Variants in HDAC8 observed in about 807,000 individuals in gnomAD.
The protein encoded by HDAC8 is histone deacetylase-like 1.
Under a neutral mutation model 32.2 loss-of-function variants are expected in HDAC8, and 1 was observed. The observed-to-expected ratio is 0.03, with a 90% confidence interval of 0.01 to 0.15. The LOEUF is 0.15. Among genes scored for constraint, HDAC8 ranks in the 10% least tolerant of loss-of-function variants. HDAC8 has a pLI of 1.00. For synonymous variants in HDAC8, 108 were observed against 113.9 expected (o/e 0.95, Z 0.33); for missense variants, 117 against 300.0 (o/e 0.39, Z 4.51).
intron 7 of HDAC8, among the ~76,000 whole-genome samples, chrX:72,477,816 G>A (rs1163909090): frequency 6.2e-5 from 7 of 112,651 alleles, no homozygotes; most frequent in African/African-American, 2.3e-4. Flanking sequence ...ATGTTAGAGT[G>A]TCTGGTGGAT....
intron 10 of HDAC8, among the ~76,000 whole-genome samples, chrX:72,335,705 G>T (rs1028808901): frequency 5.4e-5 from 6 of 110,738 alleles, no homozygotes; most frequent in African/African-American, 1.6e-4. Flanking sequence ...GAGGCCAGGA[G>T]TTCAAGACTA....
At chrX:72,571,810 C>T (rs1556157471) in intron 2 of HDAC8, 3 of 262,199 alleles carry the variant, frequency 1.1e-5, no homozygotes, top group Non-Finnish European at 2.0e-5. Flanking sequence ...CTCAGGCGAT[C>T]CACCCACCTA....
At chrX:72,466,572 AAGG>A (rs1405049344) in intron 7 of HDAC8, 1 of 111,987 alleles carries the variant, frequency 8.9e-6, no homozygotes. Context: ...GATTCCTGGT[AAGG>A]ATGTGGAGAA....
At chrX:72,402,879 C>A (rs2045942311) in intron 9 of HDAC8, among the ~76,000 whole-genome samples, 1 of 111,456 alleles carries the variant, frequency 9.0e-6, no homozygotes, top group African/African-American at 3.3e-5. Flanking sequence ...GACAGATTGA[C>A]CCTTTTACCA....
intron 10 of HDAC8, among the ~76,000 whole-genome samples, chrX:72,342,497 C>T (rs2043912167): frequency 8.9e-6 from 1 of 112,555 alleles, no homozygotes; most frequent in African/African-American, 3.2e-5. Context: ...ACAAAGTTGT[C>T]AACAGTTAGG....
chrX:72,335,248 A>G (rs975428913), intron 10 of HDAC8, among the ~76,000 whole-genome samples: 18 of 112,075 alleles, frequency 1.6e-4, no homozygotes, highest in African/African-American at 5.5e-4. Flanking sequence ...GCACAGTTCT[A>G]TGAGTTTTGA....
At chrX:72,543,596 T>G (rs1263969591) in intron 4 of HDAC8, among the ~76,000 whole-genome samples, 1 of 111,823 alleles carries the variant, frequency 8.9e-6, no homozygotes, top group African/African-American at 3.3e-5. Flanking sequence ...TCTTTCTACT[T>G]CAACTGTAGA....
intron 6 of HDAC8, 39 bp from the exon 7 acceptor site, chrX:72,489,080 C>A (rs781793241): frequency 2.1e-6 from 2 of 939,206 alleles, no homozygotes; most frequent in South Asian, 5.0e-5. Context: ...TTATTAGGAA[C>A]ATGAGAACCC....
intron 10 of HDAC8, among the ~76,000 whole-genome samples, chrX:72,345,151 G>C (rs372034385): frequency 4.7e-4 from 52 of 111,538 alleles, no homozygotes; most frequent in African/African-American, 1.7e-3. Context: ...TGAGGGGGGT[G>C]GGGTTCAAAA....
Position 72,556,887 on chromosome X carries a change from A to G in HDAC8, c.437+11002T>C, listed in dbSNP as rs149012294. Among the ~76,000 whole-genome samples the G allele has an allele frequency of 3.2e-3, 353 of 111,935 alleles. 1 individual carries two copies. Among genetic ancestry groups the G allele is most frequent in the African/African-American group, 0.011 (343 of 30,794 alleles). On this transcript the variant is annotated intron_variant, in intron 4 of 10. Transcript: ENST00000373573. ...CAAAGAAACAATGGACTTAAACTAT[A>G]CTCTCGAACAAATGGACTTAACAGA...
chrX:72,330,328 C>T (rs1235329199), intron 10 of HDAC8, among the ~76,000 whole-genome samples: 1 of 111,395 alleles, frequency 9.0e-6, no homozygotes, highest in Non-Finnish European at 1.9e-5. Context: ...CCTTTGACAG[C>T]CAGCTGACTG....
intron 4 of HDAC8, among the ~76,000 whole-genome samples, chrX:72,560,122 A>C (rs35532022): frequency 0.012 from 1,361 of 112,592 alleles, 11 homozygotes; most frequent in Admixed American, 0.019. Context: ...CGACTAGAAA[A>C]GGGGGAAATG....
rs782080712 is a variant in HDAC8, at chrX:72,563,520, C to T, written c.437+4369G>A. 5.4e-5 allele frequency among the ~76,000 whole-genome samples: 6 copies of T among 110,212 alleles called. No individual in the cohort carries two copies. The East Asian group carries it at 1.1e-3, about 21-fold the overall frequency. ...CCGTGCAACTGCACTCCAGCCTGGG[C>T]GACAGAGCAAGACCCTGTCTCATAA... On this transcript the variant is annotated intron_variant, in intron 4 of 10. Transcript: ENST00000373573.
chrX:72,442,641 A>C (rs1347949217), intron 9 of HDAC8, among the ~76,000 whole-genome samples: 3 of 111,786 alleles, frequency 2.7e-5, no homozygotes, highest in African/African-American at 9.8e-5. Flanking sequence ...CGAGCAAAAT[A>C]ACCAGCTAAC....
chrX:72,387,102 A>G (rs1186863734), intron 9 of HDAC8, among the ~76,000 whole-genome samples: 2 of 112,485 alleles, frequency 1.8e-5, no homozygotes, highest in Non-Finnish European at 3.8e-5. Flanking sequence ...GCAGAGCACA[A>G]TGAGCTAGGC....
chrX:72,459,568 C>T (rs1484854915), intron 9 of HDAC8, among the ~76,000 whole-genome samples: 1 of 111,214 alleles, frequency 9.0e-6, no homozygotes, highest in East Asian at 2.8e-4. Context: ...TCATGGAGGG[C>T]AGGGTATTTT....
intron 10 of HDAC8, among the ~76,000 whole-genome samples, chrX:72,348,097 A>T (rs781927349): frequency 4.5e-5 from 5 of 112,084 alleles, no homozygotes; most frequent in Non-Finnish European, 9.4e-5. Context: ...CTACAGTCTC[A>T]TCTTTTGTGC....
At position 72,572,740 on chromosome X, in the gene HDAC8, C is replaced by T. The variant is rs200093133; in HGVS notation, c.22G>A (p.Ala8Thr). MEEPEEP[A>T]DSGQSLVPVY... ...GGGACCAGCGACTGCCCACTGTCCG[C>T]CGGTTCCTCCGGCTCCTCCATCTTC... The change falls in exon 1 of 11, where the codon GCG becomes ACG. Residue 8 changes from alanine (A) to threonine (T), a missense_variant. This residue lies in a region of HDAC8 where 37 missense variants were observed against 53.1 expected (regional missense o/e 0.70). Transcript: ENST00000373573. 3.2e-5 allele frequency: 39 copies of T among 1,207,380 alleles called. No individual in the cohort carries two copies. The highest frequency in any genetic ancestry group is 2.3e-4 in the Middle Eastern group (1 of 4,372).
At chrX:72,428,334 C>T (rs2046711334) in intron 9 of HDAC8, among the ~76,000 whole-genome samples, 2 of 112,267 alleles carry the variant, frequency 1.8e-5, no homozygotes, top group Admixed American at 9.4e-5. Flanking sequence ...CCTCGTGATC[C>T]GCCTGCCTCG....
Sources: gnomAD v4.1 joint callset for allele counts (sites outside exome capture counted in the v4.1 genomes callset) on GRCh38, gnomAD v4.1.1 for gene constraint, gnomAD v4.1.1 regional missense constraint, MANE v1.5 for transcripts, NCBI Gene and HGNC (gene_info 2026-07-23, HGNC 2026-07-21) for gene names.